Variants in ZNF333 observed in about 807,000 individuals in gnomAD.
ZNF333 encodes zinc finger protein 333.
Under a neutral mutation model 76.1 loss-of-function variants are expected in ZNF333, and 61 were observed. The ratio of observed to expected loss-of-function variants is 0.80; its 90% CI spans 0.65 to 0.99. The LOEUF is 0.99. Ranked by LOEUF, ZNF333 falls within the 50% of genes least tolerant of loss-of-function variation. The probability of loss-of-function intolerance (pLI) is 0.00; values close to 1 mark genes in which losing one functional copy is unlikely to be tolerated. For missense variants in ZNF333, 717 were observed against 822.4 expected (o/e 0.87, Z 1.57); for synonymous variants, 284 against 305.0 (o/e 0.93, Z 0.72).
chr19:14,714,531 T>C (rs1438366089), intron 7 of ZNF333, among the ~76,000 whole-genome samples: 1 of 152,156 alleles, frequency 6.6e-6, no homozygotes, highest in Non-Finnish European at 1.5e-5. Flanking sequence ...TCCTCGTCTC[T>C]AAAACTGCGA....
At position 14,720,844 on chromosome 19, in the gene ZNF333, G is replaced by T; in HGVS notation, c.*1519G>T. 4 of 969,238 alleles carry T rather than the reference G, an allele frequency of 4.1e-6. No homozygotes were observed. The highest frequency in any genetic ancestry group is 4.9e-6 in the Non-Finnish European group (4 of 815,328). The allele number at this position is 969,238 out of a possible 1,614,324, so 60.0% of individuals were successfully genotyped here. On this transcript the variant is annotated 3_prime_UTR_variant, in exon 12 of 12. Coordinates refer to ENST00000292530, the MANE Select transcript of ZNF333 (RefSeq NM_032433.4). ...TGTTAAACTCTCCCACCATGATTAT[G>T]TATTGCTGAAAAATCTTTGTCATTC...
intron 10 of ZNF333, 95 bp downstream of exon 10, chr19:14,717,184 T>G (rs2042459681): frequency 1.0e-5 from 10 of 990,084 alleles, no homozygotes; most frequent in Non-Finnish European, 1.5e-5. Flanking sequence ...ATTCATACCT[T>G]TGACTGAGAA....
rs1213215177 is a variant in ZNF333, at chr19:14,720,513, A to G, written c.*1188A>G. ...TTAGGATAGATTTAATAGAATTGGC[A>G]TATTTATGTGATTGCAGCAGCCCTG... On this transcript the variant is annotated 3_prime_UTR_variant, in exon 12 of 12. Coordinates refer to ENST00000292530, the MANE Select transcript of ZNF333 (RefSeq NM_032433.4). 5 of 985,326 alleles carry G rather than the reference A, an allele frequency of 5.1e-6. No individual in the cohort carries two copies. The East Asian group carries it at 5.7e-4, about 112-fold the overall frequency. 61.0% of individuals were successfully genotyped at this position (985,326 alleles called of 1,614,324 possible).
exon 12 of ZNF333, chr19:14,731,338 C>G (rs2042669750): frequency 1.3e-6 from 1 of 741,934 alleles, no homozygotes; most frequent in African/African-American, 1.8e-5. Flanking sequence ...TTTCAAACTT[C>G]CAGTTCCGTG....
At chr19:14,714,471 C>T (rs1181769720) in intron 7 of ZNF333, among the ~76,000 whole-genome samples, 1 of 152,192 alleles carries the variant, frequency 6.6e-6, no homozygotes, top group East Asian at 1.9e-4. Context: ...AGGAAGGACT[C>T]TTCTCAGAGC....
rs1180611568 is a variant in ZNF333, at chr19:14,698,935, T to TATACAC, written c.224-263_224-262insTACACA. On this transcript the variant is annotated intron_variant, in intron 4 of 11. Transcript: ENST00000292530. Reference sequence around the variant, plus strand: ...ATATATATATATATATATATATATATACACACATATATATTTTCAATTTTA... The same window carrying TATACAC: ...ATATATATATATATATATATATATATATACACACACACATATATATTTTCAATTTTA... 2.1e-3 allele frequency among the ~76,000 whole-genome samples: 293 copies of TATACAC among 139,272 alleles called. 1 individual carries two copies. Among genetic ancestry groups the TATACAC allele is most frequent in the South Asian group, 5.4e-3 (24 of 4,466 alleles). 91.4% of individuals were successfully genotyped at this position (139,272 alleles called of 152,430 possible).
chr19:14,694,752 C>T (rs1973049489), intron 2 of ZNF333, among the ~76,000 whole-genome samples: 1 of 152,214 alleles, frequency 6.6e-6, no homozygotes, highest in Admixed American at 6.5e-5. Context: ...AGAAAGTAAA[C>T]ATTTCAGCTT....
intron 5 of ZNF333, chr19:14,701,464 G>A: frequency 2.0e-5 from 11 of 559,474 alleles, no homozygotes; most frequent in Non-Finnish European, 2.5e-5. Flanking sequence ...TCCCATTGCA[G>A]GGCATTCTGT....
At chr19:14,729,740 T>TA (rs1434481104) in intron 11 of ZNF333, among the ~76,000 whole-genome samples, 4 of 152,162 alleles carry the variant, frequency 2.6e-5, no homozygotes, top group Admixed American at 6.5e-5. Flanking sequence ...ATTATATTCT[T>TA]AAAAAATGCT....
intron 7 of ZNF333, among the ~76,000 whole-genome samples, chr19:14,714,389 A>T (rs571819502): frequency 2.0e-5 from 3 of 152,170 alleles, no homozygotes; most frequent in African/African-American, 7.2e-5. Flanking sequence ...GGAGGCAGAC[A>T]TTGGAGTGAT....
chr19:14,705,274 TG>T, intron 6 of ZNF333, 104 bp downstream of exon 6: 2 of 941,198 alleles, frequency 2.1e-6, no homozygotes, highest in East Asian at 5.3e-5. Context: ...GGAGGGTGTT[TG>T]GGGCCTGTAG....
In ZNF333 at chr19:14,720,195, A is replaced by G. The variant is rs1485852075; in HGVS notation, c.*870A>G. 2.0e-6 allele frequency: 2 copies of G among 982,382 alleles called. No individual in the cohort carries two copies. Among genetic ancestry groups the G allele is most frequent in the Non-Finnish European group, 2.4e-6 (2 of 827,284 alleles). 60.9% of individuals were successfully genotyped at this position (982,382 alleles called of 1,614,324 possible). A position where few individuals can be genotyped will look rare whatever the true frequency, so the allele number is the denominator to read the frequency against. The stretch of plus-strand genomic sequence containing the variant: ...AGTGAAACTCTGTCTCAAAAATAAT[A>G]ATAATAAAAAAAAGCTTCCATCTCC... On this transcript the variant is annotated 3_prime_UTR_variant, in exon 12 of 12. Coordinates refer to ENST00000292530, the MANE Select transcript of ZNF333 (RefSeq NM_032433.4).
intron 7 of ZNF333, 29 bp downstream of exon 7, chr19:14,706,802 C>T (rs758044954): frequency 1.3e-6 from 2 of 1,587,448 alleles, no homozygotes; most frequent in Non-Finnish European, 1.7e-6. Flanking sequence ...GAACACGTGG[C>T]CAGAGGGCCC....
Position 14,701,429 on chromosome 19 carries a change from C to T in ZNF333, c.306+2148C>T, listed in dbSNP as rs561138762. Among the ~76,000 whole-genome samples the T allele has an allele frequency of 3.3e-5, 5 of 152,210 alleles. No homozygotes were observed. The South Asian group carries it at 6.2e-4, about 19-fold the overall frequency. ...TGATTTTAAAAAATTGTTTTGGAGA[C>T]GAAGTCTTGCTGTGTTGTGCAGGCT... On this transcript the variant is annotated intron_variant, in intron 5 of 11. Coordinates refer to ENST00000292530, the MANE Select transcript of ZNF333 (RefSeq NM_032433.4).
chr19:14,719,983 C>G lies in ZNF333; in HGVS notation c.*658C>G, dbSNP rs536558923. On this transcript the variant is annotated 3_prime_UTR_variant, in exon 12 of 12. Coordinates refer to ENST00000292530, the MANE Select transcript of ZNF333 (RefSeq NM_032433.4). ...GGGGGATCACCTGAGGTCAGGAGTT[C>G]GAGATCAGCCTGGCCAACATGGTGA... is the stretch of plus-strand genomic sequence containing the variant. The G allele has an allele frequency of 1.1e-6, 1 of 921,128 alleles. No individual in the cohort carries two copies. The highest frequency in any genetic ancestry group is 1.3e-6 in the Non-Finnish European group (1 of 771,466). The allele number at this position is 921,128 out of a possible 1,614,324, so 57.1% of individuals were successfully genotyped here. A position where few individuals can be genotyped will look rare whatever the true frequency, so the allele number is the denominator to read the frequency against.
At position 14,695,030 on chromosome 19, in the gene ZNF333, T is replaced by A. The variant is rs1973071310; in HGVS notation, c.24T>A (p.Asp8Glu). 6.2e-7 allele frequency: 1 copy of A among 1,614,074 alleles called. No homozygotes were observed. Among genetic ancestry groups the A allele is most frequent in the Non-Finnish European group, 8.5e-7 (1 of 1,180,050 alleles). Reference sequence around the variant, plus strand: ...TTTAGGAATCCGTCACCTTTGAGGATGTGGCCGTGGAGTTCATCCAGGAGT... The same window carrying A: ...TTTAGGAATCCGTCACCTTTGAGGAAGTGGCCGTGGAGTTCATCCAGGAGT... MESVTFE[D>E]VAVEFIQEWA... is the part of the protein sequence containing the mutation. The change falls in exon 3 of 12, where the codon GAT becomes GAA. Residue 8 changes from aspartate (D) to glutamate (E), a missense_variant. Asp to Glu is a conservative substitution (Grantham distance 45). Coordinates refer to ENST00000292530, the MANE Select transcript of ZNF333 (RefSeq NM_032433.4).
intron 2 of ZNF333, among the ~76,000 whole-genome samples, chr19:14,694,613 G>T (rs185261882): frequency 1.3e-5 from 2 of 152,342 alleles, no homozygotes; most frequent in Admixed American, 1.3e-4. Flanking sequence ...TTGTGATGCT[G>T]TGCCAATTTG....
At chr19:14,725,022 G>A (rs892420847), downstream of ZNF333, among the ~76,000 whole-genome samples, 1 of 152,132 alleles carries the variant, frequency 6.6e-6, no homozygotes, top group Non-Finnish European at 1.5e-5. Context: ...GAGGTTTAAC[G>A]GGCTCACGGT....
chr19:14,727,412 C>G lies in ZNF333; in HGVS notation c.901-3763C>G, dbSNP rs545364667. Among the ~76,000 whole-genome samples, 17 of 152,254 alleles carry G rather than the reference C, an allele frequency of 1.1e-4. No homozygotes were observed. The South Asian group carries it at 3.5e-3, about 32-fold the overall frequency. ...TCTGCTTGTCTTCTGGTGAGGGCCTCAGGAAGCTTGTAATCACAGCAGAAA... is the reference window on the plus strand; with the variant it reads ...TCTGCTTGTCTTCTGGTGAGGGCCTGAGGAAGCTTGTAATCACAGCAGAAA... On this transcript the variant is annotated intron_variant, in intron 11 of 11. Transcript: ENST00000540689.
Sources: allele counts gnomAD v4.1 joint callset (sites outside exome capture counted in the v4.1 genomes callset), GRCh38; gene constraint gnomAD v4.1.1; transcripts MANE v1.5; gene names NCBI Gene and HGNC (gene_info 2026-07-23, HGNC 2026-07-21).